Variants in PHF24 observed in about 807,000 individuals in gnomAD.
PHF24 encodes PHD finger protein 24, also known as Galpha inhibitory interacting protein.
In PHF24, 25 loss-of-function variants were observed where a neutral mutation model predicts 42.6. The ratio of observed to expected loss-of-function variants is 0.59; its 90% CI spans 0.43 to 0.82. PHF24 has a LOEUF of 0.82. PHF24 is among the 40% of genes least tolerant of loss of function. The probability of loss-of-function intolerance (pLI) is 0.00; values close to 1 mark genes in which losing one functional copy is unlikely to be tolerated. For synonymous variants in PHF24, 185 were observed against 204.8 expected (o/e 0.90, Z 0.83); for missense variants, 470 against 538.1 (o/e 0.87, Z 1.25).
chr9:34,680,589 G>A, the PHF24 span, among the ~76,000 whole-genome samples: 6 of 147,428 alleles, frequency 4.1e-5, no homozygotes, highest in Admixed American at 1.3e-4. Flanking sequence ...TTGGGAGGCT[G>A]AGGCAGGAGA....
the PHF24 span, among the ~76,000 whole-genome samples, chr9:34,853,510 T>C: frequency 6.6e-6 from 1 of 152,120 alleles, no homozygotes; most frequent in Non-Finnish European, 1.5e-5. Flanking sequence ...TTCTTTTCAA[T>C]TGTTTGGAAT....
chr9:34,976,966 A>G, intron 5 of PHF24, 117 bp from the exon 6 acceptor site: 1 of 1,218,682 alleles, frequency 8.2e-7, no homozygotes. Flanking sequence ...TGCCTCCAGA[A>G]GGGCTCTGGG....
chr9:34,884,526 A>G, the PHF24 span, among the ~76,000 whole-genome samples: 1 of 152,170 alleles, frequency 6.6e-6, no homozygotes, highest in Non-Finnish European at 1.5e-5. Context: ...AAGGTTAACT[A>G]AAGGATAATG....
chr9:34,877,864 A>G, the PHF24 span, among the ~76,000 whole-genome samples: 5 of 151,988 alleles, frequency 3.3e-5, no homozygotes, highest in Non-Finnish European at 7.4e-5. Flanking sequence ...TCTTAATGCT[A>G]TCCCTCCCCT....
the PHF24 span, among the ~76,000 whole-genome samples, chr9:34,831,651 A>C: frequency 6.6e-6 from 1 of 152,100 alleles, no homozygotes; most frequent in African/African-American, 2.4e-5. Flanking sequence ...TGTCCTGGTC[A>C]GGCATGAGAA....
the PHF24 span, among the ~76,000 whole-genome samples, chr9:34,831,895 G>T: frequency 5.3e-5 from 8 of 152,256 alleles, no homozygotes; most frequent in Admixed American, 2.6e-4. Flanking sequence ...GAAGTCAGAG[G>T]AGAGTCTATC....
chr9:34,823,163 T>G, the PHF24 span, among the ~76,000 whole-genome samples: 1 of 122,774 alleles, frequency 8.1e-6, no homozygotes, highest in Admixed American at 1.2e-4. Flanking sequence ...GCCACTGCAG[T>G]CCGCAGTCCG....
At chr9:34,827,428 C>T in the PHF24 span, among the ~76,000 whole-genome samples, 1 of 152,188 alleles carries the variant, frequency 6.6e-6, no homozygotes, top group Non-Finnish European at 1.5e-5. Context: ...AACCCTTAGG[C>T]ACAGAATCAG....
At chr9:34,704,972 G>A in the PHF24 span, among the ~76,000 whole-genome samples, 1 of 152,110 alleles carries the variant, frequency 6.6e-6, no homozygotes, top group African/African-American at 2.4e-5. Flanking sequence ...CTGTGATAAA[G>A]AAAAGTCAGG....
chr9:34,733,525 G>A, the PHF24 span, among the ~76,000 whole-genome samples: 1 of 149,476 alleles, frequency 6.7e-6, no homozygotes, highest in Non-Finnish European at 1.5e-5. Context: ...TTGAGACGGA[G>A]TCTCACTGTG....
chr9:34,736,494 TA>T, the PHF24 span, among the ~76,000 whole-genome samples: 5,827 of 152,182 alleles, frequency 0.038, 391 homozygotes, highest in African/African-American at 0.13. Flanking sequence ...TTTGTAGAGA[TA>T]GGGGTCTCCC....
the PHF24 span, among the ~76,000 whole-genome samples, chr9:34,776,800 GCACAATTGGGACAA>G: frequency 0.17 from 25,802 of 151,988 alleles, 2,329 homozygotes; most frequent in South Asian, 0.24. Flanking sequence ...ATTGATGTCT[GCACAATTGGGACAA>G]CACAATTGGG....
chr9:34,840,519 C>A, the PHF24 span, among the ~76,000 whole-genome samples: 1 of 133,850 alleles, frequency 7.5e-6, no homozygotes. Context: ...CTTCCTCCTC[C>A]TCTTCCTCCT....
chr9:34,887,531 C>T, the PHF24 span, among the ~76,000 whole-genome samples: 1 of 152,180 alleles, frequency 6.6e-6, no homozygotes, highest in Non-Finnish European at 1.5e-5. Flanking sequence ...GGCTGGGCAT[C>T]CTCCAACCTC....
chr9:34,851,013 G>A, the PHF24 span, among the ~76,000 whole-genome samples: 1 of 152,168 alleles, frequency 6.6e-6, no homozygotes, highest in Non-Finnish European at 1.5e-5. Flanking sequence ...CCCCTACTGG[G>A]GGGTGCCTCC....
chr9:34,795,100 T>A, the PHF24 span, among the ~76,000 whole-genome samples: 136,762 of 152,142 alleles, frequency 0.9, 62,489 homozygotes, highest in Non-Finnish European at 0.99. Context: ...AACACATTCA[T>A]ATAGGGCAAC....
chr9:34,877,472 T>C, the PHF24 span, among the ~76,000 whole-genome samples: 1 of 152,008 alleles, frequency 6.6e-6, no homozygotes, highest in East Asian at 1.9e-4. Flanking sequence ...CTCAGGGTTT[T>C]GGGGAGGGAT....
chr9:34,952,261 G>A, the PHF24 span, among the ~76,000 whole-genome samples: 2 of 152,252 alleles, frequency 1.3e-5, no homozygotes, highest in South Asian at 2.1e-4. Flanking sequence ...CCAAGTATAC[G>A]TCTATATACT....
chr9:34,888,317 A>G, the PHF24 span, among the ~76,000 whole-genome samples: 1 of 152,182 alleles, frequency 6.6e-6, no homozygotes, highest in Non-Finnish European at 1.5e-5. Flanking sequence ...AGGCCTGTGT[A>G]TCGTTCACTG....
Sources: allele counts gnomAD v4.1 joint callset (sites outside exome capture counted in the v4.1 genomes callset), GRCh38; gene constraint gnomAD v4.1.1; transcripts MANE v1.5; gene names NCBI Gene and HGNC (gene_info 2026-07-23, HGNC 2026-07-21).